ELAPOR1: variants seen among roughly 807,000 people sequenced by gnomAD.
The protein encoded by ELAPOR1 is endosome-lysosome associated apoptosis and autophagy regulator 1.
A neutral mutation model predicts 119.7 loss-of-function variants in ELAPOR1; 77 were observed. That is an observed-to-expected ratio of 0.64 (90% CI 0.54 to 0.78). The LOEUF (loss-of-function observed/expected upper bound fraction) is 0.78, where lower values mean the gene tolerates loss of function less well. Ranked by LOEUF, ELAPOR1 falls within the 30% of genes least tolerant of loss-of-function variation. ELAPOR1 has a pLI of 0.00. For missense variants in ELAPOR1, 1,115 were observed against 1,270.4 expected, an observed-to-expected ratio of 0.88 and a Z score of 1.86; for synonymous variants, 481 against 487.2, an observed-to-expected ratio of 0.99 and a Z score of 0.17.
chr1:109,200,080 G>C lies in ELAPOR1; in HGVS notation c.2650G>C (p.Glu884Gln), dbSNP rs1173853646. ...ACAGAAGACTACTTACGTGTGGCGA[G>C]AACCCAAGCTATGCTCTGGTGGCAT... ...GIQKTTYVWR[E>Q]PKLCSGGISL... Residue 884 changes from glutamate to glutamine, a missense_variant, in exon 20 of 22, where the codon GAA (glutamate) becomes CAA (glutamine). Coordinates refer to ENST00000369939, the MANE Select transcript of ELAPOR1 (RefSeq NM_020775.5). The C allele has an allele frequency of 6.2e-7, 1 of 1,614,180 alleles. No individual in the cohort carries two copies. The highest frequency in any genetic ancestry group is 1.7e-5 in the Admixed American group (1 of 60,018).
In ELAPOR1 at chr1:109,181,484, T is replaced by G. The variant is rs565473730; in HGVS notation, c.953-3561T>G. Among the ~76,000 whole-genome samples, 44 of 152,256 alleles carry G rather than the reference T, an allele frequency of 2.9e-4. No homozygotes were observed. The South Asian group carries it at 3.7e-3, about 13-fold the overall frequency. On this transcript the variant is annotated intron_variant, in intron 7 of 21. Coordinates refer to ENST00000369939, the MANE Select transcript of ELAPOR1 (RefSeq NM_020775.5). ...TGGTCTCAGCATTTTGGTTAATCAT[T>G]TATTAAAACCACCTTAACAGGGATC...
chr1:109,150,905 A>C (rs983519730), intron 1 of ELAPOR1, among the ~76,000 whole-genome samples: 3 of 152,180 alleles, frequency 2.0e-5, no homozygotes, highest in African/African-American at 7.2e-5. Context: ...ACATGATGGC[A>C]GGTGGCAATG....
chr1:109,200,975 TC>T, intron 21 of ELAPOR1, 75 bp downstream of exon 21: 1 of 1,439,318 alleles, frequency 6.9e-7, no homozygotes, highest in Non-Finnish European at 9.4e-7. Flanking sequence ...CACTGAATGG[TC>T]CTGTACCGTT....
chr1:109,195,301 G>A (rs888884332), intron 15 of ELAPOR1, among the ~76,000 whole-genome samples: 1 of 151,804 alleles, frequency 6.6e-6, no homozygotes, highest in East Asian at 1.9e-4. Flanking sequence ...AGACCATTCT[G>A]GCTAACACGG....
At chr1:109,168,414 C>T (rs1651719682) in intron 3 of ELAPOR1, among the ~76,000 whole-genome samples, 1 of 152,206 alleles carries the variant, frequency 6.6e-6, no homozygotes, top group East Asian at 1.9e-4. Flanking sequence ...CAGCATCTAA[C>T]ATAGTGTCTG....
chr1:109,177,863 A>G (rs1299123426), intron 7 of ELAPOR1, among the ~76,000 whole-genome samples: 1 of 152,122 alleles, frequency 6.6e-6, no homozygotes, highest in East Asian at 1.9e-4. Context: ...AAGTGTTTTG[A>G]TCAACTCTGT....
chr1:109,142,737 T>C (rs1333839516), intron 1 of ELAPOR1, among the ~76,000 whole-genome samples: 1 of 152,188 alleles, frequency 6.6e-6, no homozygotes, highest in Admixed American at 6.5e-5. Flanking sequence ...ATGGAACAGT[T>C]TGGCAGTTCC....
Position 109,129,018 on chromosome 1 carries a change from C to T in ELAPOR1, c.153+14682C>T, listed in dbSNP as rs1648970453. Among the ~76,000 whole-genome samples the T allele has an allele frequency of 2.0e-5, 3 of 152,202 alleles. No homozygotes were observed. In the South Asian group the frequency reaches 6.2e-4, roughly 31 times the overall value. ...GGGATACATTTAAGAAAGTAATCATCAGAGTATTTTACAGTTTGAAGATGT... is the reference window on the plus strand; with the variant it reads ...GGGATACATTTAAGAAAGTAATCATTAGAGTATTTTACAGTTTGAAGATGT... On this transcript the variant is annotated intron_variant, in intron 1 of 21. Coordinates refer to ENST00000369939, the MANE Select transcript of ELAPOR1 (RefSeq NM_020775.5).
intron 13 of ELAPOR1, 124 bp from the exon 14 acceptor site, chr1:109,192,487 G>A (rs1002189672): frequency 2.3e-5 from 24 of 1,034,198 alleles, no homozygotes; most frequent in Non-Finnish European, 3.2e-5. Flanking sequence ...AGAGTCAGAT[G>A]CTTCTCAGAT....
At chr1:109,138,339 C>T (rs138387990) in intron 1 of ELAPOR1, among the ~76,000 whole-genome samples, 11,005 of 152,130 alleles carry the variant, frequency 0.072, 448 homozygotes, top group Non-Finnish European at 0.09. Context: ...TGTTTTTATT[C>T]GGTGTTTCCT....
intron 9 of ELAPOR1, 32 bp from the exon 10 acceptor site, chr1:109,189,034 T>C: frequency 1.2e-6 from 2 of 1,609,572 alleles, no homozygotes; most frequent in Non-Finnish European, 1.7e-6. Context: ...GCCTTCCCAC[T>C]GAATGCATGG....
rs893194712 is a variant in ELAPOR1 at position 109,138,774 on chromosome 1, C to T, written c.154-23120C>T. The stretch of plus-strand genomic sequence containing the variant: ...TGCTAAAGGATCTTCTCCTTGGTTG[C>T]GGTGAGCCGAGATCACGCCATTGCA... On this transcript the variant is annotated intron_variant, in intron 1 of 21. Transcript: ENST00000369939. Among the ~76,000 whole-genome samples the T allele has an allele frequency of 5.1e-5, 7 of 137,314 alleles. No individual in the cohort carries two copies. The East Asian group carries it at 1.2e-3, about 23-fold the overall frequency. 90.1% of individuals were successfully genotyped at this position (137,314 alleles called of 152,430 possible).
At chr1:109,168,161 C>T (rs1651707602) in intron 3 of ELAPOR1, among the ~76,000 whole-genome samples, 1 of 152,180 alleles carries the variant, frequency 6.6e-6, no homozygotes, top group Non-Finnish European at 1.5e-5. Flanking sequence ...TCTGTCCCCT[C>T]TTCTATGTCT....
chr1:109,188,153 G>C, intron 8 of ELAPOR1, 24 bp from the exon 9 acceptor site: 1 of 1,584,618 alleles, frequency 6.3e-7, no homozygotes. Flanking sequence ...CACAGGCTGA[G>C]TTGTGCTTAA....
chr1:109,162,400 A>C (rs676385), intron 2 of ELAPOR1, among the ~76,000 whole-genome samples: 1 of 151,976 alleles, frequency 6.6e-6, no homozygotes, highest in Non-Finnish European at 1.5e-5. Context: ...ATTTGCTTTC[A>C]TTCTTAAAAA....
chr1:109,142,566 C>T (rs1269386651), intron 1 of ELAPOR1, among the ~76,000 whole-genome samples: 1 of 152,202 alleles, frequency 6.6e-6, no homozygotes, highest in African/African-American at 2.4e-5. Flanking sequence ...CAGCCGGGCA[C>T]TGTCCTGATG....
At chr1:109,158,076 C>T (rs189572774) in intron 1 of ELAPOR1, among the ~76,000 whole-genome samples, 19 of 152,134 alleles carry the variant, frequency 1.2e-4, no homozygotes, top group East Asian at 1.2e-3. Flanking sequence ...TTAGTAGAGA[C>T]GGGGTTTCAC....
intron 18 of ELAPOR1, 86 bp from the exon 19 acceptor site, chr1:109,199,768 G>A: frequency 6.6e-7 from 1 of 1,514,290 alleles, no homozygotes; most frequent in South Asian, 1.2e-5. Context: ...GGTAAATCAG[G>A]CAAGCTATGA....
chr1:109,147,652 C>A (rs1214371470), intron 1 of ELAPOR1, among the ~76,000 whole-genome samples: 2 of 151,448 alleles, frequency 1.3e-5, no homozygotes, highest in Non-Finnish European at 2.9e-5. Context: ...TGAATTGTAA[C>A]GAATGTACCA....
Sources: gnomAD v4.1 joint callset for allele counts (sites outside exome capture counted in the v4.1 genomes callset) on GRCh38, gnomAD v4.1.1 for gene constraint, MANE v1.5 for transcripts, NCBI Gene and HGNC (gene_info 2026-07-23, HGNC 2026-07-21) for gene names.